Variants in JPH3 observed in about 807,000 individuals in gnomAD.
JPH3 encodes junctophilin-3.
In JPH3, 11 loss-of-function variants were observed where a neutral mutation model predicts 59.6. The observed-to-expected ratio is 0.18, with a 90% CI of 0.12 to 0.31. The LOEUF (loss-of-function observed/expected upper bound fraction) is 0.31, where lower values mean the gene tolerates loss of function less well. Among genes scored for constraint, JPH3 ranks in the 10% least tolerant of loss-of-function variants. JPH3 has a pLI of 1.00. For missense variants in JPH3, 1,202 were observed against 1,105.7 expected (o/e 1.09, Z -1.24); for synonymous variants, 673 against 483.6 (o/e 1.39, Z -5.14).
chr16:87,646,574 C>T lies in JPH3; in HGVS notation c.1160+1539C>T, dbSNP rs148761525. Among the ~76,000 whole-genome samples, 411 of 152,348 alleles carry T rather than the reference C, an allele frequency of 2.7e-3. 4 individuals are homozygous for T. The highest frequency in any genetic ancestry group is 9.2e-3 in the African/African-American group (381 of 41,578). ...ATAACACTGAGAAGGGAGAAAGCAG[C>T]ATTAGCTCTGGTCTGATGGATCGGC... is the stretch of plus-strand genomic sequence containing the variant. On this transcript the variant is annotated intron_variant, in intron 2 of 4. Coordinates refer to ENST00000284262, the MANE Select transcript of JPH3 (RefSeq NM_020655.4).
chr16:87,670,574 G>A (rs902599190), intron 2 of JPH3, among the ~76,000 whole-genome samples: 3 of 152,248 alleles, frequency 2.0e-5, no homozygotes, highest in Non-Finnish European at 2.9e-5. Flanking sequence ...TGGGCTGTGC[G>A]ATCCACCTTT....
At chr16:87,662,312 G>T (rs1030425866) in intron 2 of JPH3, among the ~76,000 whole-genome samples, 4 of 152,206 alleles carry the variant, frequency 2.6e-5, no homozygotes, top group Non-Finnish European at 1.5e-5. Flanking sequence ...TTAAGGGTCA[G>T]TGGGCGCCGA....
At chr16:87,691,703 C>T (rs889356556) in intron 4 of JPH3, among the ~76,000 whole-genome samples, 14 of 152,150 alleles carry the variant, frequency 9.2e-5, no homozygotes, top group East Asian at 1.9e-4. Context: ...CCACTGCGGA[C>T]GTCTGTCTGT....
intron 2 of JPH3, among the ~76,000 whole-genome samples, chr16:87,667,335 C>T (rs1392982354): frequency 2.0e-5 from 3 of 152,230 alleles, no homozygotes; most frequent in South Asian, 2.1e-4. Context: ...AGGATTAGGA[C>T]GTGGACCTAC....
chr16:87,630,471 A>T (rs374945718), intron 1 of JPH3, among the ~76,000 whole-genome samples: 1 of 149,938 alleles, frequency 6.7e-6, no homozygotes, highest in East Asian at 1.9e-4. Flanking sequence ...AGGACTGTGC[A>T]TCGAGGCCAG....
chr16:87,696,268 C>G, intron 4 of JPH3: 1 of 483,420 alleles, frequency 2.1e-6, no homozygotes, highest in East Asian at 4.2e-5. Flanking sequence ...GCAGGGAGGC[C>G]TGGGTGGTTC....
intron 3 of JPH3, among the ~76,000 whole-genome samples, chr16:87,687,051 G>GT (rs1253857213): frequency 6.6e-6 from 1 of 152,202 alleles, no homozygotes. Flanking sequence ...GGGACCGTGT[G>GT]TTTTTTACAA....
chr16:87,645,684 C>A (rs753897678), intron 2 of JPH3, among the ~76,000 whole-genome samples: 1 of 152,108 alleles, frequency 6.6e-6, no homozygotes, highest in Admixed American at 6.5e-5. Flanking sequence ...TGGGTGGGAT[C>A]GACGTGGCTT....
At chr16:87,631,579 T>TC (rs768417328) in intron 1 of JPH3, among the ~76,000 whole-genome samples, 11 of 152,174 alleles carry the variant, frequency 7.2e-5, no homozygotes, top group Non-Finnish European at 1.5e-4. Flanking sequence ...TGGGTGTCTC[T>TC]CCCCTCATTG....
rs575551940 is a variant in JPH3 at position 87,670,685 on chromosome 16, G to A, written c.1161-13457G>A. Among the ~76,000 whole-genome samples, 10 of 152,396 alleles carry A rather than the reference G, an allele frequency of 6.6e-5. 2 individuals carry two copies. The highest frequency in any genetic ancestry group is 2.2e-4 in the African/African-American group (9 of 41,602). ...GCACAGCCCCGGTCCTCAGGGACCC[G>A]GCGGGGACAGCACTGGTGAAAAACC... On this transcript the variant is annotated intron_variant, in intron 2 of 4. Transcript: ENST00000284262.
chr16:87,612,172 C>A (rs1864154), intron 1 of JPH3, among the ~76,000 whole-genome samples: 63,020 of 151,950 alleles, frequency 0.41, 13,590 homozygotes, highest in Non-Finnish European at 0.46. Flanking sequence ...GTCGTCCTGG[C>A]GTGCAATAGT....
rs1042312495 is a variant in JPH3 at position 87,696,764 on chromosome 16, C to T, written c.*104C>T. 1.4e-5 allele frequency: 13 copies of T among 904,754 alleles called. No homozygotes were observed. Among genetic ancestry groups the T allele is most frequent in the Middle Eastern group, 4.2e-4 (2 of 4,744 alleles). The allele number at this position is 904,754 out of a possible 1,614,324, so 56.0% of individuals were successfully genotyped here. A position where few individuals can be genotyped will look rare whatever the true frequency, so the allele number is the denominator to read the frequency against. Reference sequence around the variant, plus strand: ...AAAGACCGCAACTCGGACAGCCCAGCGACTTCCAAGTCCTCTCACAGAAGA... The same window carrying T: ...AAAGACCGCAACTCGGACAGCCCAGTGACTTCCAAGTCCTCTCACAGAAGA... On this transcript the variant is annotated 3_prime_UTR_variant, in exon 5 of 5. Transcript: ENST00000284262.
intron 1 of JPH3, among the ~76,000 whole-genome samples, chr16:87,642,358 T>A (rs2031983273): frequency 6.6e-6 from 1 of 152,158 alleles, no homozygotes; most frequent in Non-Finnish European, 1.5e-5. Flanking sequence ...GAGCAGCTGC[T>A]GCCAGCTCCT....
In JPH3 at chr16:87,623,552, G is replaced by GA. The variant is rs1476885513; in HGVS notation, c.382+20028dup. Among the ~76,000 whole-genome samples, 3 of 152,344 alleles carry GA rather than the reference G, an allele frequency of 2.0e-5. No homozygotes were observed. The East Asian group carries it at 5.8e-4, about 29-fold the overall frequency. The stretch of plus-strand genomic sequence containing the variant: ...TGTTAAATTTCAAGTAAAGCTTAGT[G>GA]AAAATAAGGATGCAATTTCATTCCC... On this transcript the variant is annotated intron_variant, in intron 1 of 4. Coordinates refer to ENST00000284262, the MANE Select transcript of JPH3 (RefSeq NM_020655.4).
intron 1 of JPH3, among the ~76,000 whole-genome samples, chr16:87,629,759 C>T (rs890771022): frequency 1.6e-4 from 24 of 152,180 alleles, no homozygotes; most frequent in African/African-American, 4.6e-4. Flanking sequence ...ACTCTAATGG[C>T]GAGTATATGT....
intron 1 of JPH3, among the ~76,000 whole-genome samples, chr16:87,627,137 A>G (rs898978148): frequency 7.2e-5 from 11 of 152,180 alleles, no homozygotes; most frequent in African/African-American, 2.2e-4. Flanking sequence ...TTAGTTGCCA[A>G]AGTTCTCCAG....
intron 1 of JPH3, among the ~76,000 whole-genome samples, chr16:87,623,326 C>T (rs1039157263): frequency 6.6e-6 from 1 of 152,220 alleles, no homozygotes; most frequent in African/African-American, 2.4e-5. Context: ...TGGCTCATTC[C>T]TCCCTGGCTG....
At chr16:87,619,060 C>T (rs1235822736) in intron 1 of JPH3, among the ~76,000 whole-genome samples, 2 of 147,992 alleles carry the variant, frequency 1.4e-5, no homozygotes, top group East Asian at 4.0e-4. Context: ...TGCACTCTAG[C>T]CTGGGCAACA....
intron 1 of JPH3, among the ~76,000 whole-genome samples, chr16:87,616,238 ATT>A (rs558660188): frequency 9.2e-5 from 3 of 32,502 alleles, no homozygotes; most frequent in African/African-American, 9.8e-5. Flanking sequence ...GTGTGTGTGT[ATT>A]TTTTTTTTTT....
Sources: allele counts gnomAD v4.1 joint callset (sites outside exome capture counted in the v4.1 genomes callset), GRCh38; gene constraint gnomAD v4.1.1; transcripts MANE v1.5; gene names NCBI Gene and HGNC (gene_info 2026-07-23, HGNC 2026-07-21).